The following CCSER1 variants were observed in gnomAD, a reference collection of about 807,000 sequenced individuals.
The protein encoded by CCSER1 is coiled-coil serine rich protein 1.
Under a neutral mutation model 82.0 loss-of-function variants are expected in CCSER1, and 41 were observed. That is an observed-to-expected ratio of 0.50 (90% confidence interval 0.39 to 0.65). CCSER1 has a LOEUF of 0.65. Ranked by LOEUF, CCSER1 falls within the 30% of genes least tolerant of loss-of-function variation. The pLI, the probability that CCSER1 is intolerant of heterozygous loss-of-function variation, is 0.00. For synonymous variants in CCSER1, 414 were observed against 383.9 expected (o/e 1.08, Z -0.92); for missense variants, 1,119 against 1,064.2 (o/e 1.05, Z -0.72).
intron 10 of CCSER1, among the ~76,000 whole-genome samples, chr4:91,097,155 T>C (rs977153145): frequency 1.3e-5 from 2 of 152,316 alleles, no homozygotes; most frequent in African/African-American, 4.8e-5. Flanking sequence ...ATCGGTATTC[T>C]GAATATTCTG....
At chr4:91,518,876 G>T (rs1041588316) in intron 10 of CCSER1, among the ~76,000 whole-genome samples, 1 of 152,192 alleles carries the variant, frequency 6.6e-6, no homozygotes, top group South Asian at 2.1e-4. Flanking sequence ...TGAACCAGGG[G>T]CCCAGATTGG....
At chr4:90,648,730 A>T (rs1266318173) in intron 6 of CCSER1, among the ~76,000 whole-genome samples, 1 of 152,224 alleles carries the variant, frequency 6.6e-6, no homozygotes, top group Non-Finnish European at 1.5e-5. Context: ...TTGGACTTCT[A>T]GCTCCAGGAC....
At chr4:90,182,768 T>G (rs940702305) in intron 1 of CCSER1, among the ~76,000 whole-genome samples, 33 of 152,254 alleles carry the variant, frequency 2.2e-4, no homozygotes, top group Admixed American at 1.7e-3. Flanking sequence ...AACACTTTGA[T>G]GAAATGTACA....
chr4:91,113,323 G>A (rs190416758), intron 10 of CCSER1, among the ~76,000 whole-genome samples: 42 of 152,304 alleles, frequency 2.8e-4, no homozygotes, highest in Admixed American at 2.5e-3. Flanking sequence ...GATGTCACTA[G>A]CACATTTCTG....
chr4:90,839,110 G>A (rs1762236578), intron 8 of CCSER1: 2 of 1,079,484 alleles, frequency 1.9e-6, no homozygotes, highest in Admixed American at 3.8e-5. Flanking sequence ...CCACCACCGA[G>A]TTGTCGCCAT....
intron 5 of CCSER1, among the ~76,000 whole-genome samples, chr4:90,568,826 C>T (rs1303896781): frequency 6.6e-6 from 1 of 150,704 alleles, no homozygotes; most frequent in Non-Finnish European, 1.5e-5. Context: ...GCAGTGGCAC[C>T]GTGCCGTGTC....
intron 10 of CCSER1, among the ~76,000 whole-genome samples, chr4:91,126,900 A>G (rs944620854): frequency 2.0e-5 from 3 of 152,038 alleles, no homozygotes; most frequent in Admixed American, 2.0e-4. Flanking sequence ...GCCTGGATGC[A>G]GAAACTTGAA....
In CCSER1 at chr4:91,496,792, AT is replaced by A. The variant is rs1437821578; in HGVS notation, c.2218-101779del. Among the ~76,000 whole-genome samples the A allele has an allele frequency of 4.7e-3, 285 of 60,922 alleles. 48 individuals are homozygous for A. The highest frequency in any genetic ancestry group is 0.012 in the African/African-American group (260 of 20,876). The allele number at this position is 60,922 out of a possible 152,430, so 40.0% of individuals were successfully genotyped here. A position where few individuals can be genotyped will look rare whatever the true frequency, so the allele number is the denominator to read the frequency against. On this transcript the variant is annotated intron_variant, in intron 10 of 10. Coordinates refer to ENST00000509176, the MANE Select transcript of CCSER1 (RefSeq NM_001145065.2). The stretch of plus-strand genomic sequence containing the variant: ...AATATATATTGAATATATATTGAAT[AT>A]ATATTTGAATATATATATATTCAAT...
At chr4:91,207,331 C>T (rs1312413719) in intron 10 of CCSER1, among the ~76,000 whole-genome samples, 1 of 147,066 alleles carries the variant, frequency 6.8e-6, no homozygotes, top group African/African-American at 2.5e-5. Flanking sequence ...AAGCATAGTA[C>T]CCAACAGTTG....
intron 5 of CCSER1, among the ~76,000 whole-genome samples, chr4:90,475,552 A>G (rs1306852331): frequency 1.3e-5 from 2 of 152,186 alleles, no homozygotes; most frequent in East Asian, 1.9e-4. Context: ...TGTTCTCTGC[A>G]GTTGGAAGCA....
At chr4:91,236,373 C>T (rs1237919666) in intron 10 of CCSER1, among the ~76,000 whole-genome samples, 2 of 152,060 alleles carry the variant, frequency 1.3e-5, no homozygotes, top group African/African-American at 4.8e-5. Context: ...GTCTCAGCTA[C>T]TCGGGAGGCT....
At chr4:90,780,212 C>T (rs1753560661) in intron 7 of CCSER1, among the ~76,000 whole-genome samples, 1 of 152,150 alleles carries the variant, frequency 6.6e-6, no homozygotes, top group Non-Finnish European at 1.5e-5. Context: ...AGCTTATTTA[C>T]TTCTCAGTGT....
chr4:91,179,077 C>CTGAAATTT (rs1733722734), intron 10 of CCSER1, among the ~76,000 whole-genome samples: 1 of 152,124 alleles, frequency 6.6e-6, no homozygotes, highest in Non-Finnish European at 1.5e-5. Context: ...TTTGGCTGGA[C>CTGAAATTT]ATGAAATTCT....
chr4:91,321,118 A>C (rs1746164695), intron 10 of CCSER1, among the ~76,000 whole-genome samples: 1 of 152,110 alleles, frequency 6.6e-6, no homozygotes, highest in East Asian at 1.9e-4. Context: ...TTTGAGACCC[A>C]AAATTAGTTA....
chr4:90,876,099 GA>G (rs143035897), intron 8 of CCSER1, among the ~76,000 whole-genome samples: 1,751 of 152,118 alleles, frequency 0.012, 30 homozygotes, highest in African/African-American at 0.041. Flanking sequence ...AGGCAATTAT[GA>G]GAAGAAAGAT....
chr4:90,771,965 G>A (rs1433751760), intron 7 of CCSER1, among the ~76,000 whole-genome samples: 2 of 152,028 alleles, frequency 1.3e-5, no homozygotes, highest in African/African-American at 4.8e-5. Context: ...TTTGATCTTT[G>A]TTTAAATCCC....
At chr4:91,009,039 A>G (rs1275338249) in intron 9 of CCSER1, among the ~76,000 whole-genome samples, 1 of 152,190 alleles carries the variant, frequency 6.6e-6, no homozygotes, top group South Asian at 2.1e-4. Flanking sequence ...GGGAGCGGCA[A>G]TGGGTGCCTC....
intron 10 of CCSER1, among the ~76,000 whole-genome samples, chr4:91,296,627 G>A (rs11936975): frequency 0.22 from 32,088 of 148,280 alleles, 4,555 homozygotes; most frequent in African/African-American, 0.41. Context: ...ATATATAGTT[G>A]TGTGTATATA....
intron 7 of CCSER1, among the ~76,000 whole-genome samples, chr4:90,793,570 C>T (rs1295686766): frequency 6.6e-6 from 1 of 152,114 alleles, no homozygotes; most frequent in East Asian, 1.9e-4. Flanking sequence ...ATCCAGTCTG[C>T]CATTGATGGA....
Sources: gnomAD v4.1 joint callset for allele counts (sites outside exome capture counted in the v4.1 genomes callset) on GRCh38, gnomAD v4.1.1 for gene constraint, MANE v1.5 for transcripts, NCBI Gene and HGNC (gene_info 2026-07-23, HGNC 2026-07-21) for gene names.